Variants in RPTOR observed in about 807,000 individuals in gnomAD.
The protein encoded by RPTOR is regulatory-associated protein of mTOR.
Under a neutral mutation model 169.9 loss-of-function variants are expected in RPTOR, and 21 were observed. The observed-to-expected ratio is 0.12, with a 90% CI of 0.09 to 0.18. The LOEUF (loss-of-function observed/expected upper bound fraction) is 0.18, where lower values mean the gene tolerates loss of function less well. Ranked by LOEUF, RPTOR falls within the 10% of genes least tolerant of loss-of-function variation. RPTOR has a pLI of 1.00. For synonymous variants in RPTOR, 732 were observed against 753.2 expected (o/e 0.97, Z 0.46); for missense variants, 1,133 against 1,855.9 (o/e 0.61, Z 7.16).
At chr17:80,559,111 C>A (rs1413716547) in intron 1 of RPTOR, among the ~76,000 whole-genome samples, 1 of 152,162 alleles carries the variant, frequency 6.6e-6, no homozygotes, top group African/African-American at 2.4e-5. Flanking sequence ...CTTCCCCAGC[C>A]CTTGGTAACC....
In RPTOR at chr17:80,730,470, T is replaced by C. The variant is rs1415043462; in HGVS notation, c.508-90T>C. 10 of 1,423,420 alleles carry C rather than the reference T, an allele frequency of 7.0e-6. No homozygotes were observed. Among genetic ancestry groups the C allele is most frequent in the East Asian group, 2.3e-5 (1 of 43,272 alleles). The allele number at this position is 1,423,420 out of a possible 1,614,324, so 88.2% of individuals were successfully genotyped here. On this transcript the variant is annotated intron_variant, in intron 4 of 33. Transcript: ENST00000306801. This position sits in a 1 kb window ranked among gnomAD's most constrained non-coding sequence, Gnocchi z 4.2. ...GCGTCTCTCCAGCCACCAGGCTCAA[T>C]GTGTGTGCCTTTTGTAACGGTGCAG...
Position 80,822,315 on chromosome 17 carries a change from C to T in RPTOR, c.991+14C>T, listed in dbSNP as rs750703287. ...TGCTCCCCCGGGGTGAGGCGCGGGC[C>T]GGGCCTTGGGGAGGGAGGCTATGGC... is the stretch of plus-strand genomic sequence containing the variant. On this transcript the variant is annotated intron_variant, in intron 8 of 33. Transcript: ENST00000306801. 7 of 1,612,912 alleles carry T rather than the reference C, an allele frequency of 4.3e-6. No homozygotes were observed. The highest frequency in any genetic ancestry group is 1.7e-4 in the Middle Eastern group (1 of 6,054).
At chr17:80,634,370 C>CTG (rs751388424) in intron 2 of RPTOR, among the ~76,000 whole-genome samples, 2 of 70,920 alleles carry the variant, frequency 2.8e-5, no homozygotes, top group South Asian at 4.8e-4. Flanking sequence ...TGTGTGCATA[C>CTG]TGTGTGTGTG....
intron 10 of RPTOR, among the ~76,000 whole-genome samples, chr17:80,838,487 G>C (rs2067590349): frequency 6.6e-6 from 1 of 152,244 alleles, no homozygotes; most frequent in Non-Finnish European, 1.5e-5. Context: ...CTGCAAGTGA[G>C]GGTGGCCCCG....
chr17:80,655,687 G>C (rs1014246778), intron 3 of RPTOR, among the ~76,000 whole-genome samples: 4 of 151,608 alleles, frequency 2.6e-5, no homozygotes, highest in Non-Finnish European at 5.9e-5. Flanking sequence ...TGATCCTCCT[G>C]CCTCAGCCTC....
chr17:80,755,395 G>A (rs566783085), intron 6 of RPTOR, among the ~76,000 whole-genome samples: 34 of 152,186 alleles, frequency 2.2e-4, no homozygotes, highest in African/African-American at 8.2e-4. Flanking sequence ...GAGCGCGGGA[G>A]TTTTGAGACC....
At chr17:80,900,295 G>A (rs963902450) in intron 20 of RPTOR, among the ~76,000 whole-genome samples, 1 of 151,750 alleles carries the variant, frequency 6.6e-6, no homozygotes, top group African/African-American at 2.4e-5. Context: ...TGCTTCCACT[G>A]TGGCCCTCCT....
Position 80,844,976 on chromosome 17 carries a change from GT to G in RPTOR, c.1213-1484del, listed in dbSNP as rs35113597. 5.7e-4 allele frequency among the ~76,000 whole-genome samples: 83 copies of G among 145,240 alleles called. No homozygotes were observed. Among genetic ancestry groups the G allele is most frequent in the Admixed American group, 1.9e-3 (28 of 14,668 alleles). On this transcript the variant is annotated intron_variant, in intron 10 of 33. Coordinates refer to ENST00000306801, the MANE Select transcript of RPTOR (RefSeq NM_020761.3). This position sits in a 1 kb window ranked among gnomAD's most constrained non-coding sequence, Gnocchi z 4.7. ...GGATGGGAGAGAGAGGCTGGTAGTT[GT>G]TTTTTTTTTTTTCTTTAATTCTTTG... is the stretch of plus-strand genomic sequence containing the variant.
chr17:80,950,766 A>T (rs2069166118), intron 28 of RPTOR, among the ~76,000 whole-genome samples: 1 of 152,158 alleles, frequency 6.6e-6, no homozygotes, highest in Non-Finnish European at 1.5e-5. Flanking sequence ...CTCACCGGCC[A>T]TTGTGTGTCT....
chr17:80,900,389 G>A (rs868706090), intron 20 of RPTOR, among the ~76,000 whole-genome samples: 1 of 151,856 alleles, frequency 6.6e-6, no homozygotes, highest in Non-Finnish European at 1.5e-5. Flanking sequence ...TTAATGGCGC[G>A]ATCTCTGCTC....
intron 8 of RPTOR, among the ~76,000 whole-genome samples, chr17:80,822,712 A>G (rs1203047990): frequency 1.3e-5 from 2 of 152,262 alleles, no homozygotes; most frequent in Admixed American, 6.5e-5. Flanking sequence ...GTGTGTGTAC[A>G]TGTGTACATG....
intron 1 of RPTOR, chr17:80,602,492 T>C (rs997236389): frequency 2.4e-5 from 9 of 370,432 alleles, no homozygotes; most frequent in African/African-American, 2.0e-4. Flanking sequence ...TTTCTTTTCT[T>C]TTTTTTTGGT....
rs113716001 is a variant in RPTOR, at chr17:80,791,732, A to G, written c.890+223A>G. Among the ~76,000 whole-genome samples, 594 of 152,344 alleles carry G rather than the reference A, an allele frequency of 3.9e-3. 3 individuals carry two copies. The highest frequency in any genetic ancestry group is 0.014 in the African/African-American group (562 of 41,570). On this transcript the variant is annotated intron_variant, in intron 7 of 33. Coordinates refer to ENST00000306801, the MANE Select transcript of RPTOR (RefSeq NM_020761.3). ...GGGCCATATGAAAAGAAAAATAATA[A>G]AAAGCTGAATTCCTTTGAACATTTA...
chr17:80,795,366 T>C (rs1048380336), intron 7 of RPTOR, among the ~76,000 whole-genome samples: 3 of 152,178 alleles, frequency 2.0e-5, no homozygotes, highest in Middle Eastern at 3.2e-3. Context: ...GCCCTTTCCC[T>C]AAATCACGAT....
At chr17:80,850,968 G>A (rs79330431) in intron 11 of RPTOR, among the ~76,000 whole-genome samples, 2,502 of 152,230 alleles carry the variant, frequency 0.016, 80 homozygotes, top group African/African-American at 0.057. Flanking sequence ...TAATTTGGTC[G>A]CCTCAGCTGG....
intron 3 of RPTOR, among the ~76,000 whole-genome samples, chr17:80,683,873 C>G (rs1163222472): frequency 6.6e-6 from 1 of 152,136 alleles, no homozygotes; most frequent in East Asian, 1.9e-4. Context: ...TGGCATCAGC[C>G]ACGTTTCCAA....
At position 80,861,201 on chromosome 17, in the gene RPTOR, C is replaced by A. The variant is rs2067913617; in HGVS notation, c.1509+3301C>A. ...TACAAGTCATTTTCACTTCCCTTGG[C>A]CATGATTTGCCTCTGTAAAATCATG... On this transcript the variant is annotated intron_variant, in intron 13 of 33. Transcript: ENST00000306801. The surrounding 1 kb of genome is among the most constrained non-coding windows in gnomAD (Gnocchi z 4.5). Among the ~76,000 whole-genome samples, 1 of 144,858 alleles carries A rather than the reference C, an allele frequency of 6.9e-6. No homozygotes were observed. Among genetic ancestry groups the A allele is most frequent in the Non-Finnish European group, 1.6e-5 (1 of 64,106 alleles).
intron 3 of RPTOR, among the ~76,000 whole-genome samples, chr17:80,692,774 T>A (rs796072791): frequency 1.3e-5 from 2 of 152,226 alleles, no homozygotes; most frequent in Admixed American, 6.5e-5. Context: ...GATTACTTTT[T>A]AAAAAAATTA....
rs76186505 is a variant in RPTOR, at chr17:80,874,164, C to T, written c.1510-6251C>T. ...ACATCAGATGCAGCATTCAGGGCCA[C>T]TGTAGACGTGGGTATGTCTGGCCTG... is the stretch of plus-strand genomic sequence containing the variant. On this transcript the variant is annotated intron_variant, in intron 13 of 33. Coordinates refer to ENST00000306801, the MANE Select transcript of RPTOR (RefSeq NM_020761.3). Among the ~76,000 whole-genome samples, 254 of 151,704 alleles carry T rather than the reference C, an allele frequency of 1.7e-3. 8 individuals carry two copies. The East Asian group carries it at 0.042, about 25-fold the overall frequency.
Sources: gnomAD v4.1 joint callset for allele counts (sites outside exome capture counted in the v4.1 genomes callset) on GRCh38, gnomAD v4.1.1 for gene constraint, Gnocchi (gnomAD v3.1) non-coding constraint, MANE v1.5 for transcripts, NCBI Gene and HGNC (gene_info 2026-07-23, HGNC 2026-07-21) for gene names.